The following ZBTB8A variants were observed in gnomAD, a reference collection of about 807,000 sequenced individuals.
The protein encoded by ZBTB8A is zinc finger and BTB domain containing 8A.
Under a neutral mutation model 37.8 loss-of-function variants are expected in ZBTB8A, and 19 were observed. The ratio of observed to expected loss-of-function variants is 0.50; its 90% CI spans 0.35 to 0.74. The LOEUF (loss-of-function observed/expected upper bound fraction) is 0.74. ZBTB8A is among the 30% of genes least tolerant of loss of function. The pLI is 0.01. For missense variants in ZBTB8A, 394 were observed against 537.8 expected (o/e 0.73, Z 2.65); for synonymous variants, 181 against 185.2 (o/e 0.98, Z 0.19).
At chr1:32,567,985 C>T (rs1460181835) in intron 2 of ZBTB8A, among the ~76,000 whole-genome samples, 1 of 151,122 alleles carries the variant, frequency 6.6e-6, no homozygotes, top group Non-Finnish European at 1.5e-5. Context: ...ACTAAAAATA[C>T]AAAAAAATTA....
chr1:32,569,837 A>G (rs1644311901), intron 2 of ZBTB8A, among the ~76,000 whole-genome samples: 1 of 147,364 alleles, frequency 6.8e-6, no homozygotes, highest in Non-Finnish European at 1.5e-5. Flanking sequence ...TCCCCAGGCT[A>G]CTCTTGAACT....
chr1:32,595,897 A>T (rs1024716487), intron 4 of ZBTB8A, among the ~76,000 whole-genome samples: 1 of 151,766 alleles, frequency 6.6e-6, no homozygotes, highest in Non-Finnish European at 1.5e-5. Flanking sequence ...GGGTCAAGTG[A>T]TCCACCTGCC....
At position 32,590,250 on chromosome 1, in the gene ZBTB8A, G is replaced by A. The variant is rs549295736; in HGVS notation, c.-1-2681G>A. On this transcript the variant is annotated intron_variant, in intron 2 of 4. Coordinates refer to ENST00000373510, the MANE Select transcript of ZBTB8A (RefSeq NM_001040441.3). ...CGCCCTGCCCATGTTAATTTTTCAG[G>A]TTGAGATTTCCCACACCAAGCAGGT... 4.6e-5 allele frequency among the ~76,000 whole-genome samples: 7 copies of A among 152,018 alleles called. No individual in the cohort carries two copies. In the South Asian group the frequency reaches 1.5e-3, roughly 32 times the overall value.
intron 2 of ZBTB8A, among the ~76,000 whole-genome samples, chr1:32,591,061 AC>A (rs1644484292): frequency 7.4e-6 from 1 of 135,532 alleles, no homozygotes; most frequent in Admixed American, 7.4e-5. Flanking sequence ...GCCCAGCTAA[AC>A]TTTTTTTTTT....
At chr1:32,547,626 C>CAAA (rs745418265) in intron 1 of ZBTB8A, among the ~76,000 whole-genome samples, 23 of 98,906 alleles carry the variant, frequency 2.3e-4, no homozygotes, top group African/African-American at 5.6e-4. Context: ...GTCTGTATCT[C>CAAA]AAAAAAAAAA....
chr1:32,541,942 A>G (rs1644058792), intron 1 of ZBTB8A, among the ~76,000 whole-genome samples: 2 of 152,340 alleles, frequency 1.3e-5, no homozygotes, highest in Middle Eastern at 3.4e-3. Context: ...TCACTGACTT[A>G]CAATGGCTTG....
intron 4 of ZBTB8A, among the ~76,000 whole-genome samples, chr1:32,595,668 G>A (rs1376503217): frequency 8.3e-6 from 1 of 120,026 alleles, no homozygotes; most frequent in Admixed American, 9.4e-5. Context: ...TTTTTTTTTT[G>A]AGACAGGGTC....
chr1:32,569,681 C>T (rs1040613517), intron 2 of ZBTB8A, among the ~76,000 whole-genome samples: 39 of 151,078 alleles, frequency 2.6e-4, no homozygotes, highest in African/African-American at 9.2e-4. Context: ...CATGAGCCAC[C>T]GCTCCCGGCC....
chr1:32,567,622 G>A (rs1221568334), intron 2 of ZBTB8A, among the ~76,000 whole-genome samples: 9 of 149,888 alleles, frequency 6.0e-5, no homozygotes, highest in East Asian at 2.0e-4. Context: ...GTGAAACCCG[G>A]TCTCTACTAA....
chr1:32,545,212 GAA>G (rs540944844), intron 1 of ZBTB8A, among the ~76,000 whole-genome samples: 1 of 148,914 alleles, frequency 6.7e-6, no homozygotes, highest in Admixed American at 6.7e-5. Context: ...GAAAAACATG[GAA>G]AAAAAAGAAA....
chr1:32,591,482 G>A (rs1055683335), intron 2 of ZBTB8A, among the ~76,000 whole-genome samples: 4 of 152,084 alleles, frequency 2.6e-5, no homozygotes, highest in African/African-American at 9.7e-5. Context: ...GACTCCCAAA[G>A]TGCTGGGATT....
intron 2 of ZBTB8A, among the ~76,000 whole-genome samples, chr1:32,575,764 A>C (rs1169122921): frequency 6.6e-6 from 1 of 151,866 alleles, no homozygotes; most frequent in Admixed American, 6.6e-5. Context: ...AGGTGGGAGG[A>C]TCACTTGAGG....
chr1:32,580,141 G>C (rs918238768), intron 2 of ZBTB8A, among the ~76,000 whole-genome samples: 5 of 152,034 alleles, frequency 3.3e-5, no homozygotes, highest in Admixed American at 3.3e-4. Flanking sequence ...GTGGATTGAA[G>C]AATCACTTGA....
intron 2 of ZBTB8A, among the ~76,000 whole-genome samples, chr1:32,579,900 TTA>T (rs1274146678): frequency 1.3e-5 from 2 of 152,214 alleles, no homozygotes; most frequent in Non-Finnish European, 2.9e-5. Context: ...ATTTTTTACT[TTA>T]TAGATATACA....
intron 1 of ZBTB8A, among the ~76,000 whole-genome samples, chr1:32,546,549 C>G (rs573140239): frequency 5.3e-5 from 8 of 151,940 alleles, no homozygotes; most frequent in African/African-American, 1.9e-4. Flanking sequence ...GAGACTGAAG[C>G]AGGATCACTT....
At chr1:32,548,255 T>A (rs1644122850) in intron 1 of ZBTB8A, among the ~76,000 whole-genome samples, 1 of 151,550 alleles carries the variant, frequency 6.6e-6, no homozygotes, top group African/African-American at 2.4e-5. Context: ...AAATGATCGC[T>A]CTCACTCTCT....
chr1:32,543,414 ACC>A (rs1197005583), intron 1 of ZBTB8A, among the ~76,000 whole-genome samples: 1 of 152,054 alleles, frequency 6.6e-6, no homozygotes, highest in Non-Finnish European at 1.5e-5. Flanking sequence ...CATAAAATTT[ACC>A]CATTTTAAAG....
intron 2 of ZBTB8A, among the ~76,000 whole-genome samples, chr1:32,553,900 A>G (rs1236994560): frequency 2.2e-5 from 3 of 134,432 alleles, no homozygotes; most frequent in Non-Finnish European, 4.8e-5. Flanking sequence ...AAAAAAAAAA[A>G]AAAAAGGTAG....
intron 2 of ZBTB8A, among the ~76,000 whole-genome samples, chr1:32,574,031 G>A (rs1415352743): frequency 6.6e-6 from 1 of 151,672 alleles, no homozygotes; most frequent in Non-Finnish European, 1.5e-5. Context: ...AGCTGAGATC[G>A]CACCATTGCA....
Sources: gnomAD v4.1 joint callset for allele counts (sites outside exome capture counted in the v4.1 genomes callset) on GRCh38, gnomAD v4.1.1 for gene constraint, MANE v1.5 for transcripts, NCBI Gene and HGNC (gene_info 2026-07-23, HGNC 2026-07-21) for gene names.